The following PADI6 variants were observed in gnomAD, a reference collection of about 807,000 sequenced individuals.
The protein encoded by PADI6 is inactive protein-arginine deiminase type-6.
In PADI6, 66 loss-of-function variants were observed where a neutral mutation model predicts 78.2. That is an observed-to-expected ratio of 0.84 (90% CI 0.69 to 1.04). PADI6 has a LOEUF of 1.04. PADI6 is among the 50% of genes least tolerant of loss of function. The pLI is 0.00. For missense variants in PADI6, 854 were observed against 866.1 expected (o/e 0.99, Z 0.18); for synonymous variants, 397 against 346.9 (o/e 1.14, Z -1.60).
rs1298832866 is a variant in PADI6 at position 17,375,434 on chromosome 1, T to C, written c.302T>C (p.Val101Ala). 1 of 1,611,176 alleles carries C rather than the reference T, an allele frequency of 6.2e-7. No individual in the cohort carries two copies. The highest frequency in any genetic ancestry group is 1.7e-5 in the Admixed American group (1 of 59,706). ...SPSVDADKVS[V>A]TYYGPNEDAP... ...GGGATGCTGTCTCCACAGGTCTCGG[T>C]CACATACTATGGGCCCAACGAGGAT... Residue 101 changes from valine (V) to alanine (A), a missense_variant, in exon 3 of 16, where the codon GTC (valine) becomes GCC (alanine). Val to Ala is a moderately conservative substitution (Grantham distance 64). Coordinates refer to ENST00000619609, the MANE Select transcript of PADI6 (RefSeq NM_207421.4).
At chr1:17,397,468 C>A (rs12132197) in intron 14 of PADI6, among the ~76,000 whole-genome samples, 57,271 of 151,934 alleles carry the variant, frequency 0.38, 10,951 homozygotes, top group African/African-American at 0.41. Context: ...GGGACAGGGG[C>A]AGGGAGGAGC....
At chr1:17,391,985 G>A (rs1040340858) in intron 8 of PADI6, 129 bp from the exon 9 acceptor site, 32 of 716,320 alleles carry the variant, frequency 4.5e-5, no homozygotes, top group South Asian at 4.4e-4. Flanking sequence ...TTGCTCTGTC[G>A]ACCTCACGGG....
At chr1:17,395,816 C>A (rs1557608924) in intron 13 of PADI6, among the ~76,000 whole-genome samples, 153 bp downstream of exon 13, 1 of 152,156 alleles carries the variant, frequency 6.6e-6, no homozygotes, top group African/African-American at 2.4e-5. Context: ...TATTTCTGGG[C>A]TGCTCTAGTG....
chr1:17,401,658 C>T lies in PADI6; in HGVS notation c.*220C>T, dbSNP rs1473664228. ...GATGCAAAAGTGTTCAGCCAAGTGA[C>T]GTTTACTAAATAGCCAATAAAGGGC... On this transcript the variant is annotated 3_prime_UTR_variant, in exon 16 of 16. Coordinates refer to ENST00000619609, the MANE Select transcript of PADI6 (RefSeq NM_207421.4). The T allele has an allele frequency of 1.8e-5, 10 of 559,792 alleles. No individual in the cohort carries two copies. Among genetic ancestry groups the T allele is most frequent in the East Asian group, 1.5e-4 (5 of 33,102 alleles). The allele number at this position is 559,792 out of a possible 1,614,324, so 34.7% of individuals were successfully genotyped here.
intron 12 of PADI6, 77 bp from the exon 13 acceptor site, chr1:17,395,463 A>T: frequency 6.6e-7 from 1 of 1,505,442 alleles, no homozygotes; most frequent in Non-Finnish European, 8.9e-7. Flanking sequence ...CTCGGCCTCC[A>T]AAGTGCTGGG....
At chr1:17,379,307 G>A (rs2075050192) in intron 3 of PADI6, among the ~76,000 whole-genome samples, 1 of 146,698 alleles carries the variant, frequency 6.8e-6, no homozygotes, top group African/African-American at 2.7e-5. Flanking sequence ...GTAGAGACGG[G>A]GTTTCACCGT....
Position 17,384,647 on chromosome 1 carries a change from G to A in PADI6, c.679+2555G>A, listed in dbSNP as rs556374333. Among the ~76,000 whole-genome samples, 20 of 151,966 alleles carry A rather than the reference G, an allele frequency of 1.3e-4. No individual in the cohort carries two copies. The South Asian group carries it at 4.2e-3, about 32-fold the overall frequency. On this transcript the variant is annotated intron_variant, in intron 6 of 15. Transcript: ENST00000619609. Reference sequence around the variant, plus strand: ...CTAGCTACTCAGGAGACTGAGGCGGGAGGATCATGTGAACCCGGGAGGCAG... The same window carrying A: ...CTAGCTACTCAGGAGACTGAGGCGGAAGGATCATGTGAACCCGGGAGGCAG...
intron 15 of PADI6, among the ~76,000 whole-genome samples, chr1:17,400,709 C>T (rs141389315): frequency 9.2e-5 from 14 of 152,144 alleles, no homozygotes; most frequent in African/African-American, 3.4e-4. Context: ...TTTGAGTGCC[C>T]CAATTCTCTA....
chr1:17,393,666 T>A (rs6695640), intron 9 of PADI6, among the ~76,000 whole-genome samples: 1 of 151,182 alleles, frequency 6.6e-6, no homozygotes, highest in East Asian at 2.0e-4. Context: ...TTAAGTAGAC[T>A]GTCTCACCAT....
rs773418839 is a variant in PADI6, at chr1:17,388,729, C to T, written c.859-48C>T. Reference sequence around the variant, plus strand: ...CCGGAACCCTGGGGTAAGAGGGGAGCGAGTAAATGTGGAAGCAGGTTGCTA... The same window carrying T: ...CCGGAACCCTGGGGTAAGAGGGGAGTGAGTAAATGTGGAAGCAGGTTGCTA... On this transcript the variant is annotated intron_variant, in intron 7 of 15. Coordinates refer to ENST00000619609, the MANE Select transcript of PADI6 (RefSeq NM_207421.4). 3.6e-5 allele frequency: 57 copies of T among 1,562,590 alleles called. No homozygotes were observed. In the East Asian group the frequency reaches 4.3e-4, roughly 12 times the overall value.
At chr1:17,388,753 T>C (rs1342033079) in intron 7 of PADI6, 24 bp from the exon 8 acceptor site, 1 of 1,600,844 alleles carries the variant, frequency 6.2e-7, no homozygotes, top group Non-Finnish European at 8.5e-7. Context: ...AGCAGGTTGC[T>C]AACAGGACCT....
chr1:17,389,086 GAC>G (rs2075156787), intron 8 of PADI6, among the ~76,000 whole-genome samples: 1 of 152,206 alleles, frequency 6.6e-6, no homozygotes, highest in African/African-American at 2.4e-5. Flanking sequence ...CAGTGAATGA[GAC>G]AGTCCCCCCA....
In PADI6 at chr1:17,392,188, T is replaced by C; in HGVS notation, c.1037T>C (p.Val346Ala). The change falls in exon 9 of 16, where the codon GTC (valine) becomes GCC (alanine). Residue 346 changes from valine (V) to alanine (A), a missense_variant. By Grantham distance (64) the Val-to-Ala change is moderately conservative. Coordinates refer to ENST00000619609, the MANE Select transcript of PADI6 (RefSeq NM_207421.4). ...AAGAGCAACAGCCAGGTGGCATCTGTCTATGAGGACCCCAACCGCCTGGGC... is the reference window on the plus strand; with the variant it reads ...AAGAGCAACAGCCAGGTGGCATCTGCCTATGAGGACCCCAACCGCCTGGGC... ...SEKSNSQVASVYEDPNRLGRW... is the reference protein window; with the variant it reads ...SEKSNSQVASAYEDPNRLGRW... The C allele has an allele frequency of 6.4e-7, 1 of 1,560,078 alleles. No homozygotes were observed.
At chr1:17,373,285 C>T (rs1300441382) in intron 2 of PADI6, 52 bp downstream of exon 2, 2 of 1,588,784 alleles carry the variant, frequency 1.3e-6, no homozygotes, top group South Asian at 1.1e-5. Flanking sequence ...GGACCTAGCA[C>T]AGCCACTGGG....
intron 2 of PADI6, among the ~76,000 whole-genome samples, chr1:17,374,594 A>G (rs1476416732): frequency 6.6e-6 from 1 of 152,054 alleles, no homozygotes; most frequent in Non-Finnish European, 1.5e-5. Flanking sequence ...CCACTGCATT[A>G]CAGCCTGGGC....
At chr1:17,385,961 C>T (rs2100303312) in intron 6 of PADI6, among the ~76,000 whole-genome samples, 1 of 152,250 alleles carries the variant, frequency 6.6e-6, no homozygotes. Context: ...AAGAATAAAC[C>T]ATGTTACCTG....
At chr1:17,383,109 A>G (rs2075088693) in intron 6 of PADI6, among the ~76,000 whole-genome samples, 1 of 152,164 alleles carries the variant, frequency 6.6e-6, no homozygotes, top group Non-Finnish European at 1.5e-5. Context: ...CTTGTAAACC[A>G]TGCTTAGCTT....
intron 6 of PADI6, among the ~76,000 whole-genome samples, chr1:17,386,048 C>T (rs2075115838): frequency 1.1e-5 from 1 of 88,658 alleles, no homozygotes; most frequent in Non-Finnish European, 2.5e-5. Context: ...TTAATATGCC[C>T]CCAGGGTGGG....
chr1:17,398,356 T>TA (rs1218489742), intron 14 of PADI6, among the ~76,000 whole-genome samples: 1 of 152,010 alleles, frequency 6.6e-6, no homozygotes, highest in African/African-American at 2.4e-5. Context: ...GTGTGTTGGG[T>TA]TATGTCTGAA....
Sources: allele counts gnomAD v4.1 joint callset (sites outside exome capture counted in the v4.1 genomes callset), GRCh38; gene constraint gnomAD v4.1.1; transcripts MANE v1.5; gene names NCBI Gene and HGNC (gene_info 2026-07-23, HGNC 2026-07-21).